SAE1: variants seen among roughly 807,000 people sequenced by gnomAD.
The protein encoded by SAE1 is SUMO-activating enzyme subunit 1.
SAE1 carries 11 observed loss-of-function variants against 40.6 expected under a neutral mutation model. The observed-to-expected ratio is 0.27, with a 90% CI of 0.17 to 0.45. The LOEUF is 0.45. SAE1 is among the 20% of genes least tolerant of loss of function. The pLI is 1.00. For missense variants in SAE1, 373 were observed against 427.3 expected, an observed-to-expected ratio of 0.87 and a Z score of 1.12; for synonymous variants, 155 against 154.3, an observed-to-expected ratio of 1.00 and a Z score of -0.03.
intron 2 of SAE1, among the ~76,000 whole-genome samples, chr19:47,144,688 G>A (rs997760245): frequency 2.6e-5 from 4 of 152,088 alleles, no homozygotes; most frequent in African/African-American, 9.7e-5. Context: ...AACAGAGTGA[G>A]ACTCCGTTTC....
chr19:47,195,117 C>T lies in SAE1; in HGVS notation c.734-2116C>T, dbSNP rs551610032. On this transcript the variant is annotated intron_variant, in intron 6 of 8. Coordinates refer to ENST00000270225, the MANE Select transcript of SAE1 (RefSeq NM_005500.3). Reference sequence around the variant, plus strand: ...TTGCCCAGGCTGGAGTTCAGTGGCACGATCTCGGCTCACTGCAACCTCTGC... The same window carrying T: ...TTGCCCAGGCTGGAGTTCAGTGGCATGATCTCGGCTCACTGCAACCTCTGC... Among the ~76,000 whole-genome samples the T allele has an allele frequency of 1.7e-4, 26 of 150,500 alleles. No homozygotes were observed. The South Asian group carries it at 4.9e-3, about 28-fold the overall frequency.
intron 8 of SAE1, among the ~76,000 whole-genome samples, chr19:47,206,503 G>A (rs1051453381): frequency 6.6e-6 from 1 of 152,066 alleles, no homozygotes; most frequent in Non-Finnish European, 1.5e-5. Flanking sequence ...CCTTTCTTAC[G>A]TCCTTCTAGA....
At chr19:47,132,915 G>A (rs192787696) in intron 1 of SAE1, among the ~76,000 whole-genome samples, 32 of 151,338 alleles carry the variant, frequency 2.1e-4, no homozygotes, top group African/African-American at 6.5e-4. Context: ...ATCCACAAGC[G>A]TGTGTATATG....
intron 8 of SAE1, among the ~76,000 whole-genome samples, chr19:47,205,736 T>G (rs1314140340): frequency 6.6e-6 from 1 of 152,198 alleles, no homozygotes; most frequent in African/African-American, 2.4e-5. Context: ...GACAGTGTTT[T>G]TTACGTGGAT....
intron 6 of SAE1, among the ~76,000 whole-genome samples, chr19:47,189,810 T>C (rs1307434894): frequency 6.6e-6 from 1 of 152,192 alleles, no homozygotes; most frequent in Non-Finnish European, 1.5e-5. Context: ...TACTGGTTTA[T>C]TCGGTGGCCT....
intron 6 of SAE1, among the ~76,000 whole-genome samples, chr19:47,174,898 G>A (rs975484909): frequency 2.6e-4 from 40 of 151,550 alleles, no homozygotes; most frequent in Non-Finnish European, 5.9e-5. Flanking sequence ...TAGTAGAGAC[G>A]GGGTTTCACC....
intron 2 of SAE1, among the ~76,000 whole-genome samples, chr19:47,149,318 A>C (rs1454454527): frequency 6.6e-6 from 1 of 151,428 alleles, no homozygotes; most frequent in Admixed American, 6.6e-5. Context: ...TTACAGGCAC[A>C]CACCACCACA....
intron 1 of SAE1, among the ~76,000 whole-genome samples, chr19:47,133,570 T>G (rs309184): frequency 0.28 from 41,884 of 152,088 alleles, 6,848 homozygotes; most frequent in African/African-American, 0.44. Flanking sequence ...GTTAAAGTGG[T>G]CAGAAATGGA....
chr19:47,150,544 G>A (rs2058281899), intron 3 of SAE1, among the ~76,000 whole-genome samples, 169 bp downstream of exon 3: 1 of 152,174 alleles, frequency 6.6e-6, no homozygotes, highest in Non-Finnish European at 1.5e-5. Flanking sequence ...TATATTGTGT[G>A]AATGTGTTGC....
intron 8 of SAE1, among the ~76,000 whole-genome samples, chr19:47,205,320 C>CTTTTTTTTTTTTTT (rs11291244): frequency 3.1e-5 from 4 of 129,246 alleles, no homozygotes; most frequent in African/African-American, 5.9e-5. Context: ...CCTAAGGCTA[C>CTTTTTTTTTTTTTT]TTTTTTTTTT....
chr19:47,152,779 A>G, intron 3 of SAE1, 119 bp from the exon 4 acceptor site: 1 of 928,834 alleles, frequency 1.1e-6, no homozygotes, highest in Non-Finnish European at 1.6e-6. Flanking sequence ...CTGTTGTACC[A>G]GTTTGAAACA....
chr19:47,148,804 G>C (rs1310282927), intron 2 of SAE1, among the ~76,000 whole-genome samples: 1 of 149,656 alleles, frequency 6.7e-6, no homozygotes, highest in Non-Finnish European at 1.5e-5. Flanking sequence ...AGTAGAGATG[G>C]GGTTTCACCA....
At position 47,180,047 on chromosome 19, in the gene SAE1, T is replaced by C. The variant is rs187419710; in HGVS notation, c.733+10124T>C. Reference sequence around the variant, plus strand: ...GGAGCCATGTGGTATTGGATTGGAATTGAAGTTATCTGGATGAACTCATGG... The same window carrying C: ...GGAGCCATGTGGTATTGGATTGGAACTGAAGTTATCTGGATGAACTCATGG... On this transcript the variant is annotated intron_variant, in intron 6 of 8. Transcript: ENST00000270225. 452 of 389,380 alleles carry C rather than the reference T, an allele frequency of 1.2e-3. 3 individuals are homozygous for C. Among genetic ancestry groups the C allele is most frequent in the African/African-American group, 8.7e-3 (420 of 48,192 alleles). The allele number at this position is 389,380 out of a possible 1,614,324, so 24.1% of individuals were successfully genotyped here.
At position 47,202,507 on chromosome 19, in the gene SAE1, C is replaced by T. The variant is rs113444815; in HGVS notation, c.879-1164C>T. On this transcript the variant is annotated intron_variant, in intron 7 of 8. Transcript: ENST00000270225. ...TTCACCATGTGGGCCAGGATGATCT[C>T]GATCTCTTGACTTTGTGATCCGCCC... Among the ~76,000 whole-genome samples, 6 of 150,800 alleles carry T rather than the reference C, an allele frequency of 4.0e-5. 1 individual carries two copies. The highest frequency in any genetic ancestry group is 2.2e-4 in the South Asian group (1 of 4,650).
rs1484351692 is a variant in SAE1, at chr19:47,209,183, C to T, written c.973C>T (p.His325Tyr). Residue 325 changes from histidine to tyrosine, a missense_variant, in exon 9 of 9, where the codon CAC becomes TAC. By Grantham distance (83) the His-to-Tyr change is moderately conservative (BLOSUM62 2). Coordinates refer to ENST00000270225, the MANE Select transcript of SAE1 (RefSeq NM_005500.3). ...GGCCCTGTCTCAGCGGGACCCTCCT[C>T]ACAACAACTTCTTCTTCTTCGATGG... ...VKALSQRDPP[H>Y]NNFFFFDGMK... 6.2e-7 allele frequency: 1 copy of T among 1,613,946 alleles called. No homozygotes were observed. Among genetic ancestry groups the T allele is most frequent in the Admixed American group, 1.7e-5 (1 of 59,974 alleles).
chr19:47,150,978 A>G (rs2058284526), intron 3 of SAE1, among the ~76,000 whole-genome samples: 1 of 152,154 alleles, frequency 6.6e-6, no homozygotes, highest in Non-Finnish European at 1.5e-5. Flanking sequence ...TGAAAGGATA[A>G]ATTCTTTGTC....
At chr19:47,153,975 G>A (rs943714947) in intron 4 of SAE1, among the ~76,000 whole-genome samples, 1 of 151,790 alleles carries the variant, frequency 6.6e-6, no homozygotes, top group African/African-American at 2.4e-5. Context: ...ATTTTTAGTA[G>A]AGACAGGGTT....
At chr19:47,132,402 C>G (rs2058150651) in intron 1 of SAE1, among the ~76,000 whole-genome samples, 1 of 151,690 alleles carries the variant, frequency 6.6e-6, no homozygotes, top group Non-Finnish European at 1.5e-5. Flanking sequence ...GCGTGCCCCA[C>G]CACATCATCC....
chr19:47,144,440 C>T (rs1362175678), intron 2 of SAE1, among the ~76,000 whole-genome samples: 1 of 152,154 alleles, frequency 6.6e-6, no homozygotes, highest in African/African-American at 2.4e-5. Flanking sequence ...TGGCTCATGC[C>T]TGTAATCCCA....
Sources: gnomAD v4.1 joint callset for allele counts (sites outside exome capture counted in the v4.1 genomes callset) on GRCh38, gnomAD v4.1.1 for gene constraint, MANE v1.5 for transcripts, NCBI Gene and HGNC (gene_info 2026-07-23, HGNC 2026-07-21) for gene names.